The following MICAL3 variants were observed in gnomAD, a reference collection of about 807,000 sequenced individuals.
MICAL3 encodes the protein microtubule associated monooxygenase, calponin and LIM domain containing 3.
Under a neutral mutation model 207.4 loss-of-function variants are expected in MICAL3, and 62 were observed. That is an observed-to-expected ratio of 0.30 (90% CI 0.24 to 0.37). The LOEUF is 0.37. MICAL3 is among the 10% of genes least tolerant of loss of function. The pLI is 1.00. For synonymous variants in MICAL3, 1,077 were observed against 1,069.3 expected (o/e 1.01, Z -0.14); for missense variants, 2,368 against 2,635.6 (o/e 0.90, Z 2.22).
intron 1 of MICAL3, among the ~76,000 whole-genome samples, chr22:17,989,677 G>A (rs1029956713): frequency 1.3e-5 from 2 of 152,146 alleles, no homozygotes; most frequent in African/African-American, 4.8e-5. Context: ...AGTCAACATG[G>A]TCACAGGTTC....
At chr22:17,998,842 G>T (rs112674973) in intron 1 of MICAL3, among the ~76,000 whole-genome samples, 6,896 of 152,166 alleles carry the variant, frequency 0.045, 505 homozygotes, top group African/African-American at 0.16. Context: ...GTGAGCCACC[G>T]CGCCGGGCCC....
rs1442163160 is a variant in MICAL3, at chr22:17,887,328, G to A, written c.1999C>T (p.Pro667Ser). The A allele has an allele frequency of 1.9e-6, 3 of 1,613,614 alleles. No individual in the cohort carries two copies. The highest frequency in any genetic ancestry group is 1.7e-6 in the Non-Finnish European group (2 of 1,179,594). The part of the protein sequence containing the change: ...LGQTISRKRS[P>S]KDKKEKDLDG... Reference sequence around the variant, plus strand: ...CAAGAGACTCCTCCACATACCTTGGGAGAACGCTTCCGAGAGATGGTCTGG... The same window carrying A: ...CAAGAGACTCCTCCACATACCTTGGAAGAACGCTTCCGAGAGATGGTCTGG... Residue 667 changes from proline to serine, a missense_variant, in exon 14 of 32, where the codon CCC (proline) becomes TCC (serine). Physicochemically the swap from Pro to Ser is moderately conservative, Grantham distance 74 (BLOSUM62 -1). This residue lies in a region of MICAL3 where 1,770 missense variants were observed against 1,863.2 expected (regional missense o/e 0.95). Transcript: ENST00000441493.
Position 17,841,925 on chromosome 22 carries a change from G to A in MICAL3, c.2698C>T (p.Leu900=), listed in dbSNP as rs752469847. 1.9e-6 allele frequency: 3 copies of A among 1,600,388 alleles called. No individual in the cohort carries two copies. Among genetic ancestry groups the A allele is most frequent in the Non-Finnish European group, 2.6e-6 (3 of 1,175,148 alleles). Residue 900 remains leucine, a synonymous_variant, in exon 20 of 32, where the codon CTG becomes TTG. Transcript: ENST00000441493. This position sits in a 1 kb window ranked among gnomAD's most constrained non-coding sequence, Gnocchi z 4.2. Reference sequence around the variant, plus strand: ...TCCTGCAGTGCCTCAGCCTGCCTCAGGGACAGGCGGTAGTTCTCCAGCTCG... The same window carrying A: ...TCCTGCAGTGCCTCAGCCTGCCTCAAGGACAGGCGGTAGTTCTCCAGCTCG... ...RIELENYRLS[L]RQAEALQEVP...
chr22:17,941,694 T>C (rs1306013500), intron 1 of MICAL3, among the ~76,000 whole-genome samples: 2 of 152,238 alleles, frequency 1.3e-5, no homozygotes, highest in South Asian at 4.1e-4. Context: ...ATTTTTACTA[T>C]ACTGTGAGGT....
chr22:17,874,127 C>G (rs1194078243), intron 16 of MICAL3, among the ~76,000 whole-genome samples: 1 of 152,248 alleles, frequency 6.6e-6, no homozygotes, highest in Non-Finnish European at 1.5e-5. Context: ...GTTCTTGTGG[C>G]TCAGCTCAAG....
At chr22:17,976,589 A>ATATATATTT (rs1231976773) in intron 1 of MICAL3, among the ~76,000 whole-genome samples, 3 of 67,128 alleles carry the variant, frequency 4.5e-5, no homozygotes, top group African/African-American at 1.9e-4. Flanking sequence ...ATATATATAT[A>ATATATATTT]TTTTTTTTTT....
intron 1 of MICAL3, among the ~76,000 whole-genome samples, chr22:17,937,679 A>G (rs1933606030): frequency 6.6e-6 from 1 of 152,194 alleles, no homozygotes. Flanking sequence ...AATAATTAAC[A>G]ATAATAAAAA....
chr22:17,831,888 CTCCTCCTCCTCCTCTTCATATTCT>C lies in MICAL3; in HGVS notation c.2997_3020del (p.Glu1000_Glu1007del). On this transcript the variant is annotated inframe_deletion, in exon 21 of 32. Coordinates refer to ENST00000441493, the MANE Select transcript of MICAL3 (RefSeq NM_015241.3). ...ACTCTTCCTCCTCCTCGTCATAGTC[CTCCTCCTCCTCCTCTTCATATTCT>C]TCCTCCTCCTCCTCCTCCTCTTCAT... 1 of 1,548,440 alleles carries C rather than the reference CTCCTCCTCCTCCTCTTCATATTCT, an allele frequency of 6.5e-7. No homozygotes were observed. The highest frequency in any genetic ancestry group is 1.2e-5 in the South Asian group (1 of 83,936).
intron 19 of MICAL3, chr22:17,861,772 T>C (rs1926538120): frequency 1.0e-6 from 1 of 985,116 alleles, no homozygotes; most frequent in African/African-American, 1.7e-5. Flanking sequence ...AGGATTTCTA[T>C]ATTAAAAGCA....
chr22:17,884,933 G>C (rs1454367390), intron 16 of MICAL3, among the ~76,000 whole-genome samples: 1 of 152,234 alleles, frequency 6.6e-6, no homozygotes, highest in East Asian at 1.9e-4. Context: ...AAGAATGGCT[G>C]ATGGGCATGG....
intron 16 of MICAL3, chr22:17,872,794 G>A (rs776185717): frequency 1.2e-6 from 2 of 1,613,794 alleles, no homozygotes; most frequent in Non-Finnish European, 1.7e-6. Flanking sequence ...TTCCTTTGAA[G>A]CTGATTGGCT....
At chr22:17,805,437 T>C (rs2061979901) in intron 29 of MICAL3, among the ~76,000 whole-genome samples, 1 of 152,270 alleles carries the variant, frequency 6.6e-6, no homozygotes, top group Admixed American at 6.5e-5. Flanking sequence ...ATTCTTATGG[T>C]AGGAACCATA....
In MICAL3 at chr22:17,796,148, G is replaced by A. The variant is rs1327767287; in HGVS notation, c.5651-4847C>T. ...CCTCCTGAGCTCCCGAGCAGTGAGC[G>A]GGTCCTGGTCAGAGGACCCCTCCTC... On this transcript the variant is annotated intron_variant, in intron 29 of 31. Transcript: ENST00000441493. The surrounding 1 kb of genome is among the most constrained non-coding windows in gnomAD (Gnocchi z 4.4). Among the ~76,000 whole-genome samples the A allele has an allele frequency of 3.3e-5, 5 of 152,198 alleles. No individual in the cohort carries two copies. The highest frequency in any genetic ancestry group is 4.1e-4 in the South Asian group (2 of 4,832).
chr22:17,790,619 G>T lies in MICAL3; in HGVS notation c.*113C>A. ...CTTTCCAAGCAGCACACGGGCATCT[G>T]AGCGTAAACTCCAAGGAGGTGCCAG... On this transcript the variant is annotated 3_prime_UTR_variant, in exon 32 of 32. Transcript: ENST00000441493. The T allele has an allele frequency of 2.1e-6, 2 of 957,024 alleles. No homozygotes were observed. Among genetic ancestry groups the T allele is most frequent in the Non-Finnish European group, 3.1e-6 (2 of 654,566 alleles). The allele number at this position is 957,024 out of a possible 1,614,324, so 59.3% of individuals were successfully genotyped here.
At position 17,904,853 on chromosome 22, in the gene MICAL3, C is replaced by A; in HGVS notation, c.265-14G>T. On this transcript the variant is annotated splice_polypyrimidine_tract_variant and intron_variant, in intron 2 of 31. Transcript: ENST00000441493. ...AATGATGAGACACTGAAAAACACAGCTGCTTTCAGGGCAGGCGGCACTTCC... is the reference window on the plus strand; with the variant it reads ...AATGATGAGACACTGAAAAACACAGATGCTTTCAGGGCAGGCGGCACTTCC... The A allele has an allele frequency of 1.3e-6, 2 of 1,595,528 alleles. No homozygotes were observed. Among genetic ancestry groups the A allele is most frequent in the East Asian group, 4.5e-5 (2 of 44,732 alleles).
chr22:17,807,092 G>A (rs930598521), intron 29 of MICAL3, among the ~76,000 whole-genome samples: 4 of 152,220 alleles, frequency 2.6e-5, no homozygotes, highest in African/African-American at 4.8e-5. Flanking sequence ...CATGAAATGC[G>A]GTTATTCTGT....
At chr22:17,870,678 G>A (rs1437487369) in intron 17 of MICAL3, among the ~76,000 whole-genome samples, 1 of 152,184 alleles carries the variant, frequency 6.6e-6, no homozygotes, top group African/African-American at 2.4e-5. Context: ...GAGATCAAAT[G>A]AGCTATCCAG....
At chr22:18,012,091 C>G (rs1231608987) in intron 1 of MICAL3, among the ~76,000 whole-genome samples, 2 of 151,616 alleles carry the variant, frequency 1.3e-5, no homozygotes, top group Non-Finnish European at 1.5e-5. Flanking sequence ...AAAAATTAGC[C>G]AGGTATGGTG....
intron 1 of MICAL3, among the ~76,000 whole-genome samples, chr22:17,988,998 C>A (rs749268356): frequency 7.2e-5 from 11 of 152,142 alleles, no homozygotes; most frequent in Non-Finnish European, 1.6e-4. Context: ...TTTACAGAAA[C>A]AAATTTGCTG....
Sources: allele counts gnomAD v4.1 joint callset (sites outside exome capture counted in the v4.1 genomes callset), GRCh38; gene constraint gnomAD v4.1.1; regional missense constraint gnomAD v4.1.1; non-coding constraint Gnocchi (gnomAD v3.1); transcripts MANE v1.5; gene names NCBI Gene and HGNC (gene_info 2026-07-23, HGNC 2026-07-21).